Variants in HLCS observed in about 807,000 individuals in gnomAD.
The protein encoded by HLCS is holocarboxylase synthetase.
Under a neutral mutation model 75.0 loss-of-function variants are expected in HLCS, and 53 were observed. The ratio of observed to expected loss-of-function variants is 0.71; its 90% CI spans 0.57 to 0.89. The LOEUF (loss-of-function observed/expected upper bound fraction) is 0.89. Ranked by LOEUF, HLCS falls within the 40% of genes least tolerant of loss-of-function variation. The pLI is 0.00. For synonymous variants in HLCS, 431 were observed against 428.6 expected (o/e 1.01, Z -0.07); for missense variants, 966 against 1,074.0 (o/e 0.90, Z 1.41).
intron 5 of HLCS, among the ~76,000 whole-genome samples, chr21:36,900,214 C>T (rs1313766165): frequency 1.3e-5 from 2 of 152,088 alleles, no homozygotes; most frequent in African/African-American, 2.4e-5. Context: ...CAAGAAAGCA[C>T]AGAAGAGAGG....
chr21:36,933,594 C>T (rs2066746049), intron 4 of HLCS, among the ~76,000 whole-genome samples: 1 of 150,070 alleles, frequency 6.7e-6, no homozygotes, highest in Non-Finnish European at 1.5e-5. Flanking sequence ...CTACTCAGTG[C>T]ACTTCTACCC....
rs955068049 is a variant in HLCS at position 36,793,267 on chromosome 21, C to T, written c.1893-25982G>A. ...ACAGGTGTGTGCCTGTCGGAGGGCT[C>T]GGAGAACACGGGACAGCAGGAAGCA... On this transcript the variant is annotated intron_variant, in intron 6 of 10. Transcript: ENST00000674895. Among the ~76,000 whole-genome samples the T allele has an allele frequency of 4.0e-5, 6 of 149,638 alleles. No individual in the cohort carries two copies. The East Asian group carries it at 5.9e-4, about 15-fold the overall frequency.
chr21:36,830,767 A>G (rs958129216), intron 6 of HLCS, among the ~76,000 whole-genome samples: 17 of 140,984 alleles, frequency 1.2e-4, no homozygotes, highest in African/African-American at 3.9e-4. Context: ...GGCTGCAGTG[A>G]GCCATGATGA....
rs535079763 is a variant in HLCS at position 36,953,546 on chromosome 21, T to C, written c.330+8490A>G. On this transcript the variant is annotated intron_variant, in intron 2 of 10. Coordinates refer to ENST00000674895, the MANE Select transcript of HLCS (RefSeq NM_001352514.2). ...CCTGTAGCTCTGGGTCCCACTGTTA[T>C]ACAACTTAGCCTGTATCCTACATAA... Among the ~76,000 whole-genome samples the C allele has an allele frequency of 3.3e-5, 5 of 152,350 alleles. 1 individual carries two copies. In the East Asian group the frequency reaches 9.6e-4, roughly 29 times the overall value.
intron 6 of HLCS, among the ~76,000 whole-genome samples, chr21:36,866,532 T>G (rs2063562306): frequency 6.6e-6 from 1 of 152,164 alleles, no homozygotes; most frequent in Non-Finnish European, 1.5e-5. Context: ...GTGCATTACA[T>G]CTCCCACTCC....
chr21:36,898,442 A>T (rs1601671358), intron 5 of HLCS, among the ~76,000 whole-genome samples: 2 of 131,310 alleles, frequency 1.5e-5, no homozygotes. Flanking sequence ...GTGAAACTCC[A>T]TCTCAAAAAA....
intron 6 of HLCS, among the ~76,000 whole-genome samples, chr21:36,826,665 G>C (rs1017635563): frequency 1.3e-5 from 2 of 152,160 alleles, no homozygotes; most frequent in Admixed American, 1.3e-4. Context: ...TTCTAGAATG[G>C]CTGTATATAT....
chr21:36,769,645 G>A (rs556261913), intron 6 of HLCS, among the ~76,000 whole-genome samples: 1 of 152,354 alleles, frequency 6.6e-6, no homozygotes, highest in East Asian at 1.9e-4. Context: ...CTCAGGAAAA[G>A]CGCTCTGTTT....
intron 2 of HLCS, chr21:36,947,969 G>T: frequency 7.1e-6 from 7 of 985,392 alleles, no homozygotes; most frequent in Non-Finnish European, 8.4e-6. Context: ...ATTGGATGGA[G>T]CAAGGCTGGA....
chr21:36,880,700 C>T (rs1233725079), intron 6 of HLCS, among the ~76,000 whole-genome samples: 2 of 152,176 alleles, frequency 1.3e-5, no homozygotes, highest in South Asian at 2.1e-4. Context: ...CCCCACACTC[C>T]GATTCCACGG....
At chr21:36,985,534 G>A (rs1414371991) in intron 1 of HLCS, among the ~76,000 whole-genome samples, 3 of 151,942 alleles carry the variant, frequency 2.0e-5, no homozygotes, top group African/African-American at 7.3e-5. Context: ...TTGGGAGGCC[G>A]AGGCGGGCAG....
At chr21:36,759,679 T>C (rs1391589733) in intron 9 of HLCS, 48 bp downstream of exon 9, 1 of 1,072,434 alleles carries the variant, frequency 9.3e-7, no homozygotes, top group Non-Finnish European at 1.5e-6. Context: ...TTTATTTTTA[T>C]TGTTTTATTA....
chr21:36,867,950 GA>G (rs962778949), intron 6 of HLCS, among the ~76,000 whole-genome samples: 20 of 152,164 alleles, frequency 1.3e-4, no homozygotes, highest in African/African-American at 4.8e-4. Flanking sequence ...TCAGGAGTTC[GA>G]GATCAGCCTG....
intron 5 of HLCS, among the ~76,000 whole-genome samples, chr21:36,925,116 G>C (rs1309333353): frequency 6.6e-6 from 1 of 151,998 alleles, no homozygotes; most frequent in African/African-American, 2.4e-5. Flanking sequence ...AAAAATTTGG[G>C]GTTAAATCAA....
chr21:36,783,803 G>GCA (rs201430136), intron 6 of HLCS, among the ~76,000 whole-genome samples: 26,626 of 149,458 alleles, frequency 0.18, 2,595 homozygotes, highest in South Asian at 0.27. Context: ...GTGTGCACAT[G>GCA]CACACACACA....
intron 6 of HLCS, among the ~76,000 whole-genome samples, chr21:36,824,397 A>C (rs1220785096): frequency 6.6e-6 from 1 of 152,208 alleles, no homozygotes; most frequent in African/African-American, 2.4e-5. Context: ...CAATGAGAAC[A>C]CATGGACACA....
chr21:36,885,071 T>C (rs1411161019), intron 6 of HLCS, among the ~76,000 whole-genome samples: 1 of 152,188 alleles, frequency 6.6e-6, no homozygotes, highest in Non-Finnish European at 1.5e-5. Context: ...AACACAAACA[T>C]GGACAACTGA....
At chr21:36,914,016 G>T (rs1002586340) in intron 5 of HLCS, among the ~76,000 whole-genome samples, 4 of 152,222 alleles carry the variant, frequency 2.6e-5, no homozygotes, top group Non-Finnish European at 5.9e-5. Context: ...CTTGGAACCA[G>T]CAAGGGACTG....
intron 2 of HLCS, among the ~76,000 whole-genome samples, chr21:36,960,143 C>A (rs931886111): frequency 8.3e-6 from 1 of 121,146 alleles, no homozygotes; most frequent in Non-Finnish European, 1.7e-5. Flanking sequence ...CCCCCCCCCC[C>A]CCGACCCTGC....
Sources: allele counts gnomAD v4.1 joint callset (sites outside exome capture counted in the v4.1 genomes callset), GRCh38; gene constraint gnomAD v4.1.1; transcripts MANE v1.5; gene names NCBI Gene and HGNC (gene_info 2026-07-23, HGNC 2026-07-21).